The following ELMO1 variants were observed in gnomAD, a reference collection of about 807,000 sequenced individuals.
The protein encoded by ELMO1 is engulfment and cell motility protein 1.
Under a neutral mutation model 98.9 loss-of-function variants are expected in ELMO1, and 26 were observed. That is an observed-to-expected ratio of 0.26 (90% CI 0.19 to 0.36). The LOEUF (loss-of-function observed/expected upper bound fraction) is 0.36. Ranked by LOEUF, ELMO1 falls within the 10% of genes least tolerant of loss-of-function variation. ELMO1 has a pLI of 1.00. For missense variants in ELMO1, 627 were observed against 935.2 expected (o/e 0.67, Z 4.30); for synonymous variants, 346 against 346.0 (o/e 1.00, Z 0.00).
At position 37,045,095 on chromosome 7, in the gene ELMO1, C is replaced by T. The variant is rs976988695; in HGVS notation, c.1301-31660G>A. ...AAGAGTAACTACTTTTACACACAGA[C>T]GCATACTACCAGTAAAGACTGAATC... On this transcript the variant is annotated intron_variant, in intron 15 of 21. Transcript: ENST00000310758. 5.3e-5 allele frequency among the ~76,000 whole-genome samples: 8 copies of T among 152,184 alleles called. No individual in the cohort carries two copies. The South Asian group carries it at 6.2e-4, about 12-fold the overall frequency.
At chr7:37,227,589 T>A (rs1032575572) in intron 8 of ELMO1, among the ~76,000 whole-genome samples, 2 of 152,064 alleles carry the variant, frequency 1.3e-5, no homozygotes, top group Admixed American at 6.6e-5. Context: ...TTTCACCAGA[T>A]TGGCCAGGCT....
chr7:37,380,563 T>A (rs1802540954), intron 1 of ELMO1, among the ~76,000 whole-genome samples: 1 of 152,212 alleles, frequency 6.6e-6, no homozygotes, highest in African/African-American at 2.4e-5. Flanking sequence ...AAGCTGATAG[T>A]CAGAAAGACT....
chr7:37,438,461 G>A (rs564563497), intron 1 of ELMO1, among the ~76,000 whole-genome samples: 5 of 151,382 alleles, frequency 3.3e-5, no homozygotes, highest in South Asian at 4.2e-4. Context: ...TTAGCCGGGC[G>A]TGGTGGCGGG....
rs770075585 is a variant in ELMO1, at chr7:37,108,780, C to T, written c.1192-12053G>A. On this transcript the variant is annotated intron_variant, in intron 14 of 21. Coordinates refer to ENST00000310758, the MANE Select transcript of ELMO1 (RefSeq NM_014800.11). ...GCTCAGTAATGAAGCAGTTATTGAA[C>T]AAGTGCATGGACAGTACGAGTCATG... 2.6e-5 allele frequency among the ~76,000 whole-genome samples: 4 copies of T among 152,184 alleles called. No individual in the cohort carries two copies. In the South Asian group the frequency reaches 8.3e-4, roughly 32 times the overall value.
intron 1 of ELMO1, among the ~76,000 whole-genome samples, chr7:37,398,635 C>T (rs749955589): frequency 1.3e-5 from 2 of 150,848 alleles, no homozygotes; most frequent in East Asian, 1.9e-4. Context: ...AGAAAGAATG[C>T]GGGATGGGAG....
chr7:37,078,221 G>A (rs1047611900), intron 15 of ELMO1, among the ~76,000 whole-genome samples: 1 of 152,130 alleles, frequency 6.6e-6, no homozygotes, highest in African/African-American at 2.4e-5. Flanking sequence ...AAAATGTTAA[G>A]TTTTAATACT....
At chr7:37,047,699 T>C (rs1795874645) in intron 15 of ELMO1, among the ~76,000 whole-genome samples, 1 of 152,204 alleles carries the variant, frequency 6.6e-6, no homozygotes, top group Non-Finnish European at 1.5e-5. Context: ...ACAGACTGTG[T>C]ATGCATTGGA....
chr7:36,874,572 T>C (rs1014078931), intron 19 of ELMO1, among the ~76,000 whole-genome samples: 2 of 152,228 alleles, frequency 1.3e-5, no homozygotes, highest in African/African-American at 4.8e-5. Context: ...TCGCTGTGCT[T>C]TGGTGACCCA....
At chr7:37,119,840 ACAGT>A (rs1470752111) in intron 14 of ELMO1, among the ~76,000 whole-genome samples, 3 of 152,216 alleles carry the variant, frequency 2.0e-5, no homozygotes, top group Non-Finnish European at 4.4e-5. Context: ...ATCTTCTATA[ACAGT>A]CAGCCAGTAT....
intron 13 of ELMO1, among the ~76,000 whole-genome samples, chr7:37,152,369 G>A (rs1788421944): frequency 1.3e-5 from 2 of 152,022 alleles, no homozygotes; most frequent in South Asian, 2.1e-4. Context: ...TGCAGAGAAA[G>A]TGACTGCCTG....
At chr7:37,284,241 G>A (rs999815425) in intron 4 of ELMO1, among the ~76,000 whole-genome samples, 3 of 152,118 alleles carry the variant, frequency 2.0e-5, no homozygotes, top group South Asian at 2.1e-4. Context: ...TGGAGGCAAC[G>A]GACCCAGGGC....
intron 15 of ELMO1, among the ~76,000 whole-genome samples, chr7:37,049,335 C>CA (rs1214839609): frequency 6.6e-6 from 1 of 152,112 alleles, no homozygotes; most frequent in African/African-American, 2.4e-5. Context: ...CTGACCATAC[C>CA]AGCTCCCAAG....
rs1806037798 is a variant in ELMO1 at position 36,896,781 on chromosome 7, G to A, written c.1438-1764C>T. 2.0e-5 allele frequency among the ~76,000 whole-genome samples: 3 copies of A among 152,062 alleles called. No homozygotes were observed. In the South Asian group the frequency reaches 6.2e-4, roughly 31 times the overall value. ...CATGTGGCATAAATGATTAAATTTG[G>A]TCAAGGTTGAACTATAATGCTTTGC... On this transcript the variant is annotated intron_variant, in intron 16 of 21. Transcript: ENST00000310758.
intron 13 of ELMO1, among the ~76,000 whole-genome samples, chr7:37,186,259 T>G (rs1479178108): frequency 6.6e-6 from 1 of 152,118 alleles, no homozygotes; most frequent in African/African-American, 2.4e-5. Flanking sequence ...GATATCCACA[T>G]GCAAAAATGA....
At chr7:37,433,439 G>A (rs1583756068) in intron 1 of ELMO1, among the ~76,000 whole-genome samples, 1 of 152,118 alleles carries the variant, frequency 6.6e-6, no homozygotes, top group Non-Finnish European at 1.5e-5. Flanking sequence ...CTCAGAGGAG[G>A]TGACCATCCA....
intron 15 of ELMO1, among the ~76,000 whole-genome samples, chr7:37,015,092 C>G (rs900802535): frequency 6.6e-6 from 1 of 152,132 alleles, no homozygotes; most frequent in Non-Finnish European, 1.5e-5. Flanking sequence ...TTTATTTGCA[C>G]AGCTCACCAT....
intron 1 of ELMO1, among the ~76,000 whole-genome samples, chr7:37,413,259 G>C (rs1804069635): frequency 6.6e-6 from 1 of 151,832 alleles, no homozygotes; most frequent in Non-Finnish European, 1.5e-5. Flanking sequence ...ATCTCTCCAG[G>C]AATCTTTCCT....
intron 15 of ELMO1, among the ~76,000 whole-genome samples, chr7:37,052,661 A>G (rs192689051): frequency 6.2e-4 from 94 of 152,350 alleles, no homozygotes; most frequent in African/African-American, 2.2e-3. Context: ...AACCTCTTGC[A>G]TAACTCATCT....
intron 1 of ELMO1, among the ~76,000 whole-genome samples, chr7:37,446,196 A>C (rs1805605618): frequency 6.6e-6 from 1 of 152,222 alleles, no homozygotes; most frequent in African/African-American, 2.4e-5. Flanking sequence ...TCATTTAGTC[A>C]GTCAACAAAC....
Sources: gnomAD v4.1 joint callset for allele counts (sites outside exome capture counted in the v4.1 genomes callset) on GRCh38, gnomAD v4.1.1 for gene constraint, MANE v1.5 for transcripts, NCBI Gene and HGNC (gene_info 2026-07-23, HGNC 2026-07-21) for gene names.